Variants in PTPRG observed in about 807,000 individuals in gnomAD.
PTPRG encodes receptor-type tyrosine-protein phosphatase gamma.
In PTPRG, 102 loss-of-function variants were observed where a neutral mutation model predicts 165.3. The ratio of observed to expected loss-of-function variants is 0.62; its 90% CI spans 0.53 to 0.73. PTPRG has a LOEUF of 0.73. Ranked by LOEUF, PTPRG falls within the 30% of genes least tolerant of loss-of-function variation. The probability of loss-of-function intolerance (pLI) is 0.00; values close to 1 mark genes in which losing one functional copy is unlikely to be tolerated. For synonymous variants in PTPRG, 675 were observed against 669.5 expected (o/e 1.01, Z -0.13); for missense variants, 1,866 against 1,861.4 (o/e 1.00, Z -0.05).
chr3:62,179,293 C>G (rs1025527826), intron 8 of PTPRG, among the ~76,000 whole-genome samples: 3 of 152,172 alleles, frequency 2.0e-5, no homozygotes, highest in Admixed American at 1.3e-4. Context: ...GTGGTTGTTA[C>G]GGTTGCTGGC....
intron 4 of PTPRG, among the ~76,000 whole-genome samples, chr3:62,033,530 T>TGGCCCCCCCCCCCCC: frequency 7.5e-6 from 1 of 134,180 alleles, no homozygotes; most frequent in East Asian, 2.5e-4. Context: ...ATGCCTATCT[T>TGGCCCCCCCCCCCCC]CCCCCCCCCA....
chr3:62,015,455 T>C (rs2041521258), intron 4 of PTPRG, among the ~76,000 whole-genome samples: 1 of 152,252 alleles, frequency 6.6e-6, no homozygotes, highest in African/African-American at 2.4e-5. Context: ...CAGCAGAGAA[T>C]GTTCTCCATC....
intron 2 of PTPRG, among the ~76,000 whole-genome samples, chr3:61,963,126 TTAA>T (rs1449555121): frequency 6.6e-6 from 1 of 152,152 alleles, no homozygotes; most frequent in African/African-American, 2.4e-5. Context: ...AATTTCTGCC[TTAA>T]TAAAAGGTAG....
At chr3:62,005,121 A>G (rs9847300) in intron 4 of PTPRG, among the ~76,000 whole-genome samples, 42,704 of 152,082 alleles carry the variant, frequency 0.28, 6,435 homozygotes, top group African/African-American at 0.39. Flanking sequence ...ACTCTGAGAA[A>G]ATGCTTCATG....
At chr3:61,693,778 G>A (rs139176369) in intron 1 of PTPRG, among the ~76,000 whole-genome samples, 16 of 152,200 alleles carry the variant, frequency 1.1e-4, no homozygotes, top group Non-Finnish European at 1.8e-4. Context: ...GGCTGAGGTG[G>A]GCAGATTGCC....
intron 4 of PTPRG, among the ~76,000 whole-genome samples, chr3:62,009,569 C>T (rs1055300701): frequency 4.6e-5 from 7 of 152,116 alleles, no homozygotes; most frequent in Non-Finnish European, 8.8e-5. Context: ...TTTATGAAGT[C>T]GATCGGGGTT....
chr3:61,620,524 A>T (rs1701420490), intron 1 of PTPRG, among the ~76,000 whole-genome samples: 1 of 152,186 alleles, frequency 6.6e-6, no homozygotes, highest in Non-Finnish European at 1.5e-5. Flanking sequence ...GAGAGACTGA[A>T]ATGAAACTTG....
chr3:62,152,205 A>ATTT (rs79099891), intron 6 of PTPRG, among the ~76,000 whole-genome samples: 1 of 144,664 alleles, frequency 6.9e-6, no homozygotes, highest in African/African-American at 2.5e-5. Flanking sequence ...ATGTCTACTA[A>ATTT]TTTTTTTTTT....
intron 2 of PTPRG, among the ~76,000 whole-genome samples, chr3:61,940,359 G>C (rs773248238): frequency 2.0e-5 from 3 of 152,192 alleles, no homozygotes; most frequent in Non-Finnish European, 4.4e-5. Context: ...TTAGTAGATA[G>C]GTGAGATAGC....
intron 2 of PTPRG, among the ~76,000 whole-genome samples, chr3:61,874,677 G>T (rs71296744): frequency 6.6e-6 from 1 of 152,088 alleles, no homozygotes. Flanking sequence ...CTTTGGGACA[G>T]GGGGAGTGTG....
intron 1 of PTPRG, among the ~76,000 whole-genome samples, chr3:61,746,995 G>T (rs2033232386): frequency 6.6e-6 from 1 of 152,164 alleles, no homozygotes; most frequent in Non-Finnish European, 1.5e-5. Context: ...ATAGTGGCAT[G>T]CGCTGATGGT....
At chr3:62,239,820 T>C (rs2106942911) in intron 14 of PTPRG, among the ~76,000 whole-genome samples, 1 of 152,314 alleles carries the variant, frequency 6.6e-6, no homozygotes, top group Non-Finnish European at 1.5e-5. Flanking sequence ...TATTCCTGGA[T>C]ACCTCTGAAG....
At chr3:62,081,690 C>G (rs907876128) in intron 5 of PTPRG, among the ~76,000 whole-genome samples, 5 of 152,164 alleles carry the variant, frequency 3.3e-5, no homozygotes, top group South Asian at 2.1e-4. Context: ...TGCTTGAATT[C>G]TCACTATGTC....
At chr3:61,707,180 G>A (rs2031306910) in intron 1 of PTPRG, among the ~76,000 whole-genome samples, 1 of 152,180 alleles carries the variant, frequency 6.6e-6, no homozygotes, top group Non-Finnish European at 1.5e-5. Flanking sequence ...TAATGCTGAA[G>A]TGAAAAAAGT....
intron 2 of PTPRG, among the ~76,000 whole-genome samples, chr3:61,892,895 G>C (rs1040981218): frequency 1.3e-5 from 2 of 152,002 alleles, no homozygotes; most frequent in East Asian, 3.9e-4. Flanking sequence ...TAAAAATTGG[G>C]GCTCACTTTG....
intron 8 of PTPRG, among the ~76,000 whole-genome samples, chr3:62,178,255 A>G (rs1705511376): frequency 6.6e-6 from 1 of 152,014 alleles, no homozygotes; most frequent in Admixed American, 6.6e-5. Flanking sequence ...CCATGGATGT[A>G]TGGGAGGATG....
At chr3:61,673,301 G>A (rs1488586789) in intron 1 of PTPRG, among the ~76,000 whole-genome samples, 2 of 152,194 alleles carry the variant, frequency 1.3e-5, no homozygotes, top group Non-Finnish European at 2.9e-5. Context: ...CTGTGGATGA[G>A]CCACTTGGCA....
At chr3:62,253,395 C>T (rs761714973) in intron 15 of PTPRG, among the ~76,000 whole-genome samples, 1 of 152,094 alleles carries the variant, frequency 6.6e-6, no homozygotes, top group Non-Finnish European at 1.5e-5. Flanking sequence ...ATATGAAAGT[C>T]CTATAGTCTA....
At chr3:61,932,422 GGA>G (rs1480739793) in intron 2 of PTPRG, among the ~76,000 whole-genome samples, 1 of 152,190 alleles carries the variant, frequency 6.6e-6, no homozygotes, top group African/African-American at 2.4e-5. Flanking sequence ...GGAACATGTA[GGA>G]GACTATGAAT....
Sources: allele counts gnomAD v4.1 joint callset (sites outside exome capture counted in the v4.1 genomes callset), GRCh38; gene constraint gnomAD v4.1.1; transcripts MANE v1.5; gene names NCBI Gene and HGNC (gene_info 2026-07-23, HGNC 2026-07-21).